Variants in FAM184B observed in about 807,000 individuals in gnomAD.
The protein encoded by FAM184B is family with sequence similarity 184 member B, also known as protein FAM184B.
A neutral mutation model predicts 135.9 loss-of-function variants in FAM184B; 111 were observed. The ratio of observed to expected loss-of-function variants is 0.82; its 90% confidence interval spans 0.70 to 0.96. FAM184B has a LOEUF of 0.96. Ranked by LOEUF, FAM184B falls within the 40% of genes least tolerant of loss-of-function variation. FAM184B has a pLI of 0.00. For missense variants in FAM184B, 1,375 were observed against 1,323.9 expected, an observed-to-expected ratio of 1.04 and a Z score of -0.60; for synonymous variants, 552 against 524.8, an observed-to-expected ratio of 1.05 and a Z score of -0.71.
At chr4:17,632,869 T>A (rs1218704186) in intron 17 of FAM184B, 4 of 355,478 alleles carry the variant, frequency 1.1e-5, no homozygotes, top group Non-Finnish European at 2.1e-5. Context: ...CCTTTGAGAC[T>A]TAGTGGTTGT....
chr4:17,780,635 T>C (rs1294481345), intron 1 of FAM184B, among the ~76,000 whole-genome samples: 1 of 152,066 alleles, frequency 6.6e-6, no homozygotes, highest in African/African-American at 2.4e-5. Context: ...TCCCCATTTA[T>C]GCTCCTACAC....
chr4:17,688,342 A>T lies in FAM184B; in HGVS notation c.1596+82T>A, dbSNP rs1421036523. On this transcript the variant is annotated intron_variant, in intron 7 of 17. Coordinates refer to ENST00000265018, the MANE Select transcript of FAM184B (RefSeq NM_015688.2). ...AGATGTAAAAGAGCCCATTAACATC[A>T]GCATGTGTTACTGGGGACACTGAAA... The T allele has an allele frequency of 3.0e-6, 3 of 991,482 alleles. No homozygotes were observed. In the East Asian group the frequency reaches 8.1e-5, roughly 27 times the overall value. 61.4% of individuals were successfully genotyped at this position (991,482 alleles called of 1,614,324 possible). A position where few individuals can be genotyped will look rare whatever the true frequency, so the allele number is the denominator to read the frequency against.
chr4:17,633,923 ATG>A, intron 16 of FAM184B, 35 bp from the exon 17 acceptor site: 2 of 1,344,336 alleles, frequency 1.5e-6, no homozygotes, highest in Admixed American at 3.8e-5. Context: ...GTGCAATGCA[ATG>A]CAAAAAACAA....
intron 1 of FAM184B, among the ~76,000 whole-genome samples, chr4:17,767,920 C>T (rs1718736174): frequency 6.6e-6 from 1 of 152,146 alleles, no homozygotes; most frequent in Non-Finnish European, 1.5e-5. Context: ...GGGTTTCAAA[C>T]TTTTTCTGTA....
At chr4:17,657,170 T>A (rs992916724) in intron 10 of FAM184B, among the ~76,000 whole-genome samples, 16 of 152,238 alleles carry the variant, frequency 1.1e-4, no homozygotes, top group Non-Finnish European at 2.1e-4. Context: ...GCATTTTTTA[T>A]TTGTTTAGTT....
chr4:17,746,161 G>T (rs1718156911), intron 1 of FAM184B, among the ~76,000 whole-genome samples: 1 of 151,824 alleles, frequency 6.6e-6, no homozygotes, highest in Non-Finnish European at 1.5e-5. Flanking sequence ...GTTTCATCAT[G>T]TTGGCCAGAC....
rs143385973 is a variant in FAM184B at position 17,775,328 on chromosome 4, G to A, written c.141+5831C>T. Among the ~76,000 whole-genome samples, 543 of 152,134 alleles carry A rather than the reference G, an allele frequency of 3.6e-3. 3 individuals carry two copies. The highest frequency in any genetic ancestry group is 0.011 in the African/African-American group (473 of 41,484). ...AGCCTCCCGAGTAGCTGGGACTACCGGTGCGTGCCACCACACCCAGCTAAT... is the reference window on the plus strand; with the variant it reads ...AGCCTCCCGAGTAGCTGGGACTACCAGTGCGTGCCACCACACCCAGCTAAT... On this transcript the variant is annotated intron_variant, in intron 1 of 17. Coordinates refer to ENST00000265018, the MANE Select transcript of FAM184B (RefSeq NM_015688.2).
chr4:17,675,008 T>C (rs1716280524), intron 7 of FAM184B, among the ~76,000 whole-genome samples: 1 of 152,230 alleles, frequency 6.6e-6, no homozygotes, highest in Admixed American at 6.5e-5. Context: ...TCTCCTCCCA[T>C]AAATCATGAA....
chr4:17,771,492 T>C (rs948191229), intron 1 of FAM184B, among the ~76,000 whole-genome samples: 2 of 152,194 alleles, frequency 1.3e-5, no homozygotes, highest in African/African-American at 4.8e-5. Flanking sequence ...GAGGGCTTGT[T>C]AAAACAGATC....
chr4:17,707,753 T>G lies in FAM184B; in HGVS notation c.926A>C (p.Gln309Pro). The G allele has an allele frequency of 3.2e-6, 5 of 1,551,988 alleles. No homozygotes were observed. Among genetic ancestry groups the G allele is most frequent in the Non-Finnish European group, 4.4e-6 (5 of 1,147,026 alleles). ...DLDVQLKEARQENSELKGTAK... is the reference protein window; with the variant it reads ...DLDVQLKEARPENSELKGTAK... ...AGTGCCTTTCAACTCTGAATTCTCC[T>G]GTCGAGCCTCCTTAAGCTGCACATC... The change falls in exon 3 of 18, where the codon CAG (glutamine) becomes CCG (proline). Residue 309 changes from glutamine (Q) to proline (P), a missense_variant. Physicochemically the swap from Gln to Pro is moderately conservative, Grantham distance 76. Coordinates refer to ENST00000265018, the MANE Select transcript of FAM184B (RefSeq NM_015688.2).
intron 1 of FAM184B, among the ~76,000 whole-genome samples, chr4:17,775,863 C>T (rs907012466): frequency 1.3e-5 from 2 of 152,112 alleles, no homozygotes; most frequent in Non-Finnish European, 2.9e-5. Flanking sequence ...GGCTGCAGGG[C>T]GGATGAGGGA....
intron 7 of FAM184B, among the ~76,000 whole-genome samples, chr4:17,668,386 T>A (rs747865920): frequency 6.6e-6 from 1 of 152,194 alleles, no homozygotes; most frequent in Non-Finnish European, 1.5e-5. Flanking sequence ...CCCTTTAATC[T>A]CCAGATCCTA....
At chr4:17,730,743 C>T (rs1717756968) in intron 1 of FAM184B, among the ~76,000 whole-genome samples, 1 of 152,190 alleles carries the variant, frequency 6.6e-6, no homozygotes, top group Non-Finnish European at 1.5e-5. Flanking sequence ...TGTGGAATGA[C>T]TTTGACGAGC....
intron 1 of FAM184B, among the ~76,000 whole-genome samples, chr4:17,720,922 GA>G (rs1182502277): frequency 6.9e-6 from 1 of 144,290 alleles, no homozygotes; most frequent in African/African-American, 2.5e-5. Flanking sequence ...AAGAAGAAAA[GA>G]AAAAGAAATT....
In FAM184B at chr4:17,658,480, A is replaced by C; in HGVS notation, c.1907T>G (p.Leu636Arg). The C allele has an allele frequency of 6.4e-7, 1 of 1,551,474 alleles. No individual in the cohort carries two copies. The highest frequency in any genetic ancestry group is 8.7e-7 in the Non-Finnish European group (1 of 1,146,908). ...CTCACGCTGCAGCTTCTCCCTCTCC[A>C]GGTCCGAGAGCTGCTTGAGTGCCTG... ...DLQALKQLSDLEREKLQRELQ... is the reference protein window; with the variant it reads ...DLQALKQLSDREREKLQRELQ... Residue 636 changes from leucine (L) to arginine (R), a missense_variant, in exon 10 of 18, where the codon CTG becomes CGG. Physicochemically the swap from Leu to Arg is moderately radical, Grantham distance 102 (BLOSUM62 -2). Coordinates refer to ENST00000265018, the MANE Select transcript of FAM184B (RefSeq NM_015688.2).
At chr4:17,649,868 T>TCATCCATCCTTCCACCCATC (rs1715564214) in intron 11 of FAM184B, among the ~76,000 whole-genome samples, 1 of 134,294 alleles carries the variant, frequency 7.4e-6, no homozygotes, top group Non-Finnish European at 1.5e-5. Flanking sequence ...ATCCACCCAC[T>TCATCCATCCTTCCACCCATC]CATCCATCCA....
chr4:17,662,593 C>G (rs953465336), intron 8 of FAM184B, among the ~76,000 whole-genome samples: 2 of 152,214 alleles, frequency 1.3e-5, no homozygotes, highest in Non-Finnish European at 1.5e-5. Flanking sequence ...CGGCCTCGGC[C>G]TCCCAAAGTG....
chr4:17,633,575 A>T (rs1450778034), intron 17 of FAM184B, 114 bp downstream of exon 17: 2 of 952,796 alleles, frequency 2.1e-6, no homozygotes, highest in Non-Finnish European at 3.0e-6. Context: ...TTGTCTAATC[A>T]TCCATGAAAA....
intron 17 of FAM184B, 124 bp from the exon 18 acceptor site, chr4:17,632,749 T>G: frequency 3.1e-6 from 2 of 636,166 alleles, no homozygotes; most frequent in Non-Finnish European, 5.5e-6. Context: ...CAAATGGGAC[T>G]GGCCAACATT....
Sources: allele counts gnomAD v4.1 joint callset (sites outside exome capture counted in the v4.1 genomes callset), GRCh38; gene constraint gnomAD v4.1.1; transcripts MANE v1.5; gene names NCBI Gene and HGNC (gene_info 2026-07-23, HGNC 2026-07-21).